Variants in KLHDC4 observed in about 807,000 individuals in gnomAD.
KLHDC4 encodes the protein kelch domain containing 4.
Under a neutral mutation model 62.4 loss-of-function variants are expected in KLHDC4, and 90 were observed. That is an observed-to-expected ratio of 1.44 (90% CI 1.22 to 1.72). KLHDC4 has a LOEUF of 1.72. Among genes scored for constraint, KLHDC4 ranks in the 40% most tolerant of loss-of-function variants. The pLI is 0.00. For missense variants in KLHDC4, 1,025 were observed against 699.7 expected (o/e 1.47, Z -5.25); for synonymous variants, 386 against 284.4 (o/e 1.36, Z -3.59).
intron 5 of KLHDC4, among the ~76,000 whole-genome samples, chr16:87,748,309 A>C (rs1489397110): frequency 1.3e-5 from 2 of 152,236 alleles, no homozygotes; most frequent in African/African-American, 4.8e-5. Flanking sequence ...CCTTTTAGTC[A>C]ATGACACATC....
downstream of KLHDC4, among the ~76,000 whole-genome samples, chr16:87,706,317 G>T (rs2034706030): frequency 7.4e-6 from 1 of 134,954 alleles, no homozygotes; most frequent in African/African-American, 2.8e-5. Flanking sequence ...AACACAAGCT[G>T]CAGCCCTCGG....
chr16:87,752,615 A>G (rs12918759), intron 4 of KLHDC4, among the ~76,000 whole-genome samples: 43,188 of 151,848 alleles, frequency 0.28, 6,693 homozygotes, highest in South Asian at 0.45. Context: ...GATTACAGGC[A>G]TGAGCCACCA....
At chr16:87,743,208 T>A (rs1244708539) in intron 5 of KLHDC4, among the ~76,000 whole-genome samples, 1 of 152,196 alleles carries the variant, frequency 6.6e-6, no homozygotes, top group African/African-American at 2.4e-5. Flanking sequence ...TGAGCTCAAG[T>A]GATCCTCCCA....
intron 7 of KLHDC4, among the ~76,000 whole-genome samples, chr16:87,719,634 C>T (rs188320354): frequency 6.6e-6 from 1 of 151,636 alleles, no homozygotes. Flanking sequence ...CCAAATCCCC[C>T]TCTCCGAGAA....
At chr16:87,717,348 T>C (rs973966990) in intron 7 of KLHDC4, among the ~76,000 whole-genome samples, 1 of 152,254 alleles carries the variant, frequency 6.6e-6, no homozygotes, top group Admixed American at 6.5e-5. Context: ...TTATGGTTAT[T>C]TTTCTTATAG....
chr16:87,756,431 G>C lies in KLHDC4; in HGVS notation c.238C>G (p.Leu80Val), dbSNP rs776803702. 21 of 1,613,700 alleles carry C rather than the reference G, an allele frequency of 1.3e-5. No individual in the cohort carries two copies. The Admixed American group carries it at 2.0e-4, about 15-fold the overall frequency. Reference protein sequence around the residue: ...SVHPEKDELILFGGEYFNGQK... With the variant: ...SVHPEKDELIVFGGEYFNGQK... ...CCGTTGAAATATTCACCTCCAAAAA[G>C]GATTAACTCATCTTTCTCAGGATGA... The change falls in exon 3 of 12, where the codon CTT (leucine) becomes GTT (valine). Residue 80 changes from leucine to valine, a missense_variant. Physicochemically the swap from Leu to Val is conservative, Grantham distance 32. Transcript: ENST00000270583.
chr16:87,723,413 G>A (rs530249897), intron 7 of KLHDC4, among the ~76,000 whole-genome samples: 4 of 152,238 alleles, frequency 2.6e-5, no homozygotes, highest in African/African-American at 4.8e-5. Flanking sequence ...AATGACACGC[G>A]ACTCTGATGA....
At chr16:87,739,551 C>T (rs866962151) in intron 5 of KLHDC4, among the ~76,000 whole-genome samples, 1 of 143,048 alleles carries the variant, frequency 7.0e-6, no homozygotes, top group Non-Finnish European at 1.5e-5. Context: ...CACACCAGCA[C>T]CTCATCCATC....
At chr16:87,701,862 G>T in exon 1 of KLHDC4, 1 of 456,590 alleles carries the variant, frequency 2.2e-6, no homozygotes, top group Non-Finnish European at 4.4e-6. Flanking sequence ...TCCACACCGA[G>T]GAAGCCTCTT....
intron 2 of KLHDC4, among the ~76,000 whole-genome samples, chr16:87,757,115 C>A (rs1283046268): frequency 2.6e-5 from 4 of 151,862 alleles, no homozygotes; most frequent in African/African-American, 9.7e-5. Context: ...GTGCCTGGAC[C>A]TCAGAACTGT....
chr16:87,722,767 C>T (rs781565268), intron 7 of KLHDC4, among the ~76,000 whole-genome samples: 13 of 152,392 alleles, frequency 8.5e-5, no homozygotes, highest in Middle Eastern at 3.4e-3. Context: ...CTGCAGGTCA[C>T]TCCAGCTGCT....
chr16:87,748,718 T>A lies in KLHDC4; in HGVS notation c.461A>T (p.Asp154Val). Reference protein sequence around the residue: ...PNGEQFYHYKDLWVLHLATKT... With the variant: ...PNGEQFYHYKVLWVLHLATKT... Reference sequence around the variant, plus strand: ...GGTGGCCAAATGCAGGACCCAGAGATCCTTGTAGTGGTAGAACTGCTCTCC... The same window carrying A: ...GGTGGCCAAATGCAGGACCCAGAGAACCTTGTAGTGGTAGAACTGCTCTCC... Residue 154 changes from aspartate to valine, a missense_variant, in exon 5 of 12, where the codon GAT becomes GTT. Asp to Val is a radical substitution (Grantham distance 152). Coordinates refer to ENST00000270583, the MANE Select transcript of KLHDC4 (RefSeq NM_017566.4). 1 of 1,613,348 alleles carries A rather than the reference T, an allele frequency of 6.2e-7. No homozygotes were observed. The highest frequency in any genetic ancestry group is 8.5e-7 in the Non-Finnish European group (1 of 1,179,864).
rs143677750 is a variant in KLHDC4, at chr16:87,730,945, A to T, written c.507-301T>A. On this transcript the variant is annotated intron_variant, in intron 5 of 11. Transcript: ENST00000270583. Reference sequence around the variant, plus strand: ...GGACTCCGCCAACATAAAAAACTTCAAAAATACACCATTAGAAAATAAAAA... The same window carrying T: ...GGACTCCGCCAACATAAAAAACTTCTAAAATACACCATTAGAAAATAAAAA... 223 of 230,274 alleles carry T rather than the reference A, an allele frequency of 9.7e-4. 3 individuals are homozygous for T. The East Asian group carries it at 0.021, about 22-fold the overall frequency. 14.3% of individuals were successfully genotyped at this position (230,274 alleles called of 1,614,324 possible). A position where few individuals can be genotyped will look rare whatever the true frequency, so the allele number is the denominator to read the frequency against.
intron 4 of KLHDC4, among the ~76,000 whole-genome samples, chr16:87,752,178 A>C (rs1343781020): frequency 1.3e-5 from 2 of 148,380 alleles, no homozygotes; most frequent in African/African-American, 4.9e-5. Context: ...AAGCAGAGGC[A>C]GGAGGATCGT....
chr16:87,717,262 G>C (rs777885570), intron 7 of KLHDC4, among the ~76,000 whole-genome samples: 1 of 152,212 alleles, frequency 6.6e-6, no homozygotes, highest in Non-Finnish European at 1.5e-5. Context: ...CAAGATTTGG[G>C]CAATGGATGT....
chr16:87,720,130 C>T (rs371564507), intron 7 of KLHDC4, among the ~76,000 whole-genome samples: 51 of 152,286 alleles, frequency 3.3e-4, no homozygotes, highest in African/African-American at 1.2e-3. Flanking sequence ...GAGGAGAAGA[C>T]ACACAGGGCC....
chr16:87,755,314 T>C (rs1394976653), intron 3 of KLHDC4, 22 bp from the exon 4 acceptor site: 1 of 1,301,814 alleles, frequency 7.7e-7, no homozygotes, highest in East Asian at 2.3e-5. Flanking sequence ...AAGAAGAATG[T>C]CAGTGTCACA....
rs180744543 is a variant in KLHDC4 at position 87,737,184 on chromosome 16, C to T, written c.507-6540G>A. On this transcript the variant is annotated intron_variant, in intron 5 of 11. Transcript: ENST00000270583. ...ATACCCAGGAAAGCAGTCAGTGGCACAGCCAGAATTTGAACCAAGGTGTTC... is the reference window on the plus strand; with the variant it reads ...ATACCCAGGAAAGCAGTCAGTGGCATAGCCAGAATTTGAACCAAGGTGTTC... Among the ~76,000 whole-genome samples, 22 of 150,470 alleles carry T rather than the reference C, an allele frequency of 1.5e-4. No individual in the cohort carries two copies. The East Asian group carries it at 3.5e-3, about 24-fold the overall frequency.
intron 1 of KLHDC4, chr16:87,765,202 C>T (rs888528560): frequency 8.8e-6 from 4 of 455,930 alleles, no homozygotes; most frequent in Non-Finnish European, 1.8e-5. Context: ...CCTGCAGACC[C>T]CGGGCTGAGG....
Sources: gnomAD v4.1 joint callset for allele counts (sites outside exome capture counted in the v4.1 genomes callset) on GRCh38, gnomAD v4.1.1 for gene constraint, MANE v1.5 for transcripts, NCBI Gene and HGNC (gene_info 2026-07-23, HGNC 2026-07-21) for gene names.